SPOCD1: variants seen among roughly 807,000 people sequenced by gnomAD.
SPOCD1 encodes the protein SPOC domain-containing protein 1.
A neutral mutation model predicts 92.2 loss-of-function variants in SPOCD1; 64 were observed. That is an observed-to-expected ratio of 0.69 (90% CI 0.57 to 0.86). The LOEUF (loss-of-function observed/expected upper bound fraction) is 0.86. Among genes scored for constraint, SPOCD1 ranks in the 40% least tolerant of loss-of-function variants. SPOCD1 has a pLI of 0.00. For synonymous variants in SPOCD1, 578 were observed against 619.3 expected (o/e 0.93, Z 0.99); for missense variants, 1,360 against 1,543.1 (o/e 0.88, Z 1.99).
intron 10 of SPOCD1, chr1:31,796,301 GT>G (rs1403411906): frequency 5.5e-5 from 27 of 491,266 alleles, no homozygotes; most frequent in Middle Eastern, 5.7e-4. Context: ...AGAATGCCAG[GT>G]TGGGGATGAC....
Position 31,814,391 on chromosome 1 carries a change from G to A in SPOCD1, c.943C>T (p.Leu315Phe), listed in dbSNP as rs1437410852. The change falls in exon 2 of 16, where the codon CTC (leucine) becomes TTC (phenylalanine). Residue 315 changes from leucine (L) to phenylalanine (F), a missense_variant. Leu to Phe is a conservative substitution (Grantham distance 22). Transcript: ENST00000360482. The surrounding 1 kb of genome is among the most constrained non-coding windows in gnomAD (Gnocchi z 4.2). ...GFPVPSGGESLSSAAQAPPQS... is the reference protein window; with the variant it reads ...GFPVPSGGESFSSAAQAPPQS... ...GGAGGAGCCTGTGCAGCTGAACTGA[G>A]GGACTCCCCTCCACTGGGCACTGGG... 1 of 1,608,594 alleles carries A rather than the reference G, an allele frequency of 6.2e-7. No individual in the cohort carries two copies. The highest frequency in any genetic ancestry group is 1.3e-5 in the African/African-American group (1 of 75,020).
intron 2 of SPOCD1, among the ~76,000 whole-genome samples, chr1:31,806,278 C>T (rs186667663): frequency 2.6e-4 from 40 of 152,100 alleles, no homozygotes; most frequent in African/African-American, 9.4e-4. Context: ...TAAATATATA[C>T]GGAATATTAA....
In SPOCD1 at chr1:31,804,985, C is replaced by CTTTTTTTTTTTTTTT. The variant is rs1207433481; in HGVS notation, c.1384-3281_1384-3280insAAAAAAAAAAAAAAA. Among the ~76,000 whole-genome samples the CTTTTTTTTTTTTTTT allele has an allele frequency of 1.3e-3, 133 of 105,874 alleles. 2 individuals are homozygous for CTTTTTTTTTTTTTTT. The highest frequency in any genetic ancestry group is 1.5e-3 in the East Asian group (5 of 3,362). 69.5% of individuals were successfully genotyped at this position (105,874 alleles called of 152,430 possible). A position where few individuals can be genotyped will look rare whatever the true frequency, so the allele number is the denominator to read the frequency against. ...AAATTTCTTTTTTCTTTCTTTCTTTCTTTTTTTTTTTTTTGAGATGGAGTC... is the reference window on the plus strand; with the variant it reads ...AAATTTCTTTTTTCTTTCTTTCTTTCTTTTTTTTTTTTTTTTTTTTTTTTTTTTTGAGATGGAGTC... On this transcript the variant is annotated intron_variant, in intron 2 of 15. Coordinates refer to ENST00000360482, the MANE Select transcript of SPOCD1 (RefSeq NM_144569.7).
chr1:31,799,876 C>A lies in SPOCD1; in HGVS notation c.1729-13G>T, dbSNP rs775807101. The A allele has an allele frequency of 6.2e-7, 1 of 1,614,136 alleles. No individual in the cohort carries two copies. Among genetic ancestry groups the A allele is most frequent in the East Asian group, 2.2e-5 (1 of 44,878 alleles). The stretch of plus-strand genomic sequence containing the variant: ...CCATTGGGCCACTCTGTAGGGGAGG[C>A]GTGAGGAATTGAGGCTGTGCTGGTG... On this transcript the variant is annotated splice_polypyrimidine_tract_variant and intron_variant, in intron 5 of 15. Transcript: ENST00000360482.
intron 10 of SPOCD1, chr1:31,794,501 C>A: frequency 1.3e-5 from 1 of 75,056 alleles, no homozygotes. Context: ...TTTTTCTTTT[C>A]TTTTTTTTTT....
At chr1:31,800,683 G>A (rs1229737121) in intron 3 of SPOCD1, 66 bp from the exon 4 acceptor site, 25 of 1,366,424 alleles carry the variant, frequency 1.8e-5, no homozygotes, top group Admixed American at 9.5e-5. Context: ...CAGAGTGCTC[G>A]CCTCATCTGT....
Position 31,815,192 on chromosome 1 carries a change from C to G in SPOCD1, c.142G>C (p.Gly48Arg). 6.2e-7 allele frequency: 1 copy of G among 1,608,464 alleles called. No individual in the cohort carries two copies. The highest frequency in any genetic ancestry group is 8.5e-7 in the Non-Finnish European group (1 of 1,175,728). Residue 48 changes from glycine to arginine, a missense_variant, in exon 2 of 16, where the codon GGG becomes CGG. Coordinates refer to ENST00000360482, the MANE Select transcript of SPOCD1 (RefSeq NM_144569.7). ...LSPDGPGASS[G>R]PGVRAGSRRK... Reference sequence around the variant, plus strand: ...CTGCTGCCAGCCCTGACTCCGGGCCCAGAGCTTGCTCCCGGCCCATCTGGT... The same window carrying G: ...CTGCTGCCAGCCCTGACTCCGGGCCGAGAGCTTGCTCCCGGCCCATCTGGT...
intron 2 of SPOCD1, among the ~76,000 whole-genome samples, chr1:31,809,441 T>C (rs1049625978): frequency 6.6e-6 from 1 of 151,896 alleles, no homozygotes; most frequent in East Asian, 1.9e-4. Context: ...AACCTGGCAA[T>C]TCCACCCCAG....
intron 2 of SPOCD1, among the ~76,000 whole-genome samples, chr1:31,808,261 T>C (rs1341696624): frequency 6.6e-6 from 1 of 151,138 alleles, no homozygotes; most frequent in African/African-American, 2.4e-5. Context: ...ATTCACAAAA[T>C]ACGAAAAAGA....
Position 31,798,693 on chromosome 1 carries a change from T to C in SPOCD1, c.1869-92A>G. 1 of 1,437,614 alleles carries C rather than the reference T, an allele frequency of 7.0e-7. No individual in the cohort carries two copies. Among genetic ancestry groups the C allele is most frequent in the Non-Finnish European group, 9.4e-7 (1 of 1,061,930 alleles). 89.1% of individuals were successfully genotyped at this position (1,437,614 alleles called of 1,614,324 possible). A position where few individuals can be genotyped will look rare whatever the true frequency, so the allele number is the denominator to read the frequency against. ...GGAGGCAGCTGGGTGGGCGGCAGGG[T>C]CTGGGCCAACTTGTTCCTGTCGTGG... is the stretch of plus-strand genomic sequence containing the variant. On this transcript the variant is annotated intron_variant, in intron 7 of 15. Coordinates refer to ENST00000360482, the MANE Select transcript of SPOCD1 (RefSeq NM_144569.7). The surrounding 1 kb of genome is among the most constrained non-coding windows in gnomAD (Gnocchi z 4.1).
At chr1:31,810,513 C>T (rs1006860679) in intron 2 of SPOCD1, among the ~76,000 whole-genome samples, 1 of 152,040 alleles carries the variant, frequency 6.6e-6, no homozygotes, top group Non-Finnish European at 1.5e-5. Context: ...GCCACCATGC[C>T]CAGCTAATCT....
At chr1:31,795,213 A>T (rs987702604) in intron 10 of SPOCD1, 1 of 152,232 alleles carries the variant, frequency 6.6e-6, no homozygotes, top group Admixed American at 6.5e-5. Context: ...TTAAACATAA[A>T]ACAATCATTG....
At chr1:31,815,454 T>C in intron 1 of SPOCD1, 82 bp from the exon 2 acceptor site, 1 of 1,026,378 alleles carries the variant, frequency 9.7e-7, no homozygotes, top group East Asian at 2.7e-5. Context: ...GAGGAGCCCC[T>C]CTTCCAGCCA....
chr1:31,808,921 C>T (rs1230032040), intron 2 of SPOCD1, among the ~76,000 whole-genome samples: 2 of 152,122 alleles, frequency 1.3e-5, no homozygotes, highest in South Asian at 4.2e-4. Context: ...ACAGGCCAGG[C>T]CTGGTGGCTC....
Position 31,793,830 on chromosome 1 carries a change from G to C in SPOCD1, c.2451C>G (p.Phe817Leu). 6.2e-7 allele frequency: 1 copy of C among 1,614,218 alleles called. No individual in the cohort carries two copies. The highest frequency in any genetic ancestry group is 8.5e-7 in the Non-Finnish European group (1 of 1,180,040). Residue 817 changes from phenylalanine (F) to leucine (L), a missense_variant, in exon 12 of 16, where the codon TTC becomes TTG. Around this residue, in one of 3 missense-constraint regions of SPOCD1, gnomAD observed 614 missense variants for 757.8 expected, o/e 0.81. Transcript: ENST00000360482. ...EAAKSCGDNIFQKALSQTPMP... is the reference protein window; with the variant it reads ...EAAKSCGDNILQKALSQTPMP... ...TAGGAGTTTGGCTTAGGGCTTTCTG[G>C]AAGATATTGTCCCCGCAGCTCTTGG...
At chr1:31,815,425 C>G in intron 1 of SPOCD1, 53 bp from the exon 2 acceptor site, 3 of 1,327,992 alleles carry the variant, frequency 2.3e-6, no homozygotes, top group Non-Finnish European at 3.0e-6. Flanking sequence ...GACCTGTCAG[C>G]CCGTTCAGTG....
Position 31,790,966 on chromosome 1 carries a change from G to C in SPOCD1, c.3288C>G (p.Leu1096=), listed in dbSNP as rs1192822167. 6.3e-7 allele frequency: 1 copy of C among 1,575,568 alleles called. No homozygotes were observed. The highest frequency in any genetic ancestry group is 8.6e-7 in the Non-Finnish European group (1 of 1,162,194). The part of the protein sequence containing the change: ...WQRPPRGRGR[L]WPEPENWQHP... ...GCTGCCAGTTTTCAGGCTCTGGCCA[G>C]AGCCTCCCCCTGCCTCTGGGGGGCC... The change falls in exon 16 of 16, where the codon CTC becomes CTG. Residue 1096 remains leucine (L), a synonymous_variant. Coordinates refer to ENST00000360482, the MANE Select transcript of SPOCD1 (RefSeq NM_144569.7).
chr1:31,815,657 A>T (rs1649513959), intron 1 of SPOCD1: 1 of 254,796 alleles, frequency 3.9e-6, no homozygotes, highest in Non-Finnish European at 7.4e-6. Context: ...ATAAGATACC[A>T]TTTATTTATG....
chr1:31,805,160 A>G (rs1648739108), intron 2 of SPOCD1, among the ~76,000 whole-genome samples: 1 of 150,858 alleles, frequency 6.6e-6, no homozygotes, highest in African/African-American at 2.4e-5. Flanking sequence ...TTTTTCTTGT[A>G]TTTTTAGTAG....
Sources: gnomAD v4.1 joint callset for allele counts (sites outside exome capture counted in the v4.1 genomes callset) on GRCh38, gnomAD v4.1.1 for gene constraint, gnomAD v4.1.1 regional missense constraint, Gnocchi (gnomAD v3.1) non-coding constraint, MANE v1.5 for transcripts, NCBI Gene and HGNC (gene_info 2026-07-23, HGNC 2026-07-21) for gene names.